Variants in PGAP6 observed in about 807,000 individuals in gnomAD.
PGAP6 encodes the protein post-GPI attachment to proteins factor 6.
A neutral mutation model predicts 68.4 loss-of-function variants in PGAP6; 62 were observed. That is an observed-to-expected ratio of 0.91 (90% CI 0.74 to 1.12). The LOEUF (loss-of-function observed/expected upper bound fraction) is 1.12. Ranked by LOEUF, PGAP6 falls within the 50% of genes most tolerant of loss-of-function variation. The probability of loss-of-function intolerance (pLI) is 0.00; values close to 1 mark genes in which losing one functional copy is unlikely to be tolerated. For missense variants in PGAP6, 1,188 were observed against 1,068.5 expected, an observed-to-expected ratio of 1.11 and a Z score of -1.56; for synonymous variants, 575 against 474.0, an observed-to-expected ratio of 1.21 and a Z score of -2.77.
intron 3 of PGAP6, 39 bp downstream of exon 3, chr16:377,339 A>G (rs1379600211): frequency 1.3e-6 from 2 of 1,556,756 alleles, no homozygotes; most frequent in Admixed American, 1.9e-5. Flanking sequence ...CATCGCCGCA[A>G]GGTTCTCTGC....
upstream of PGAP6, among the ~76,000 whole-genome samples, chr16:386,237 A>G (rs2054484177): frequency 6.6e-6 from 1 of 151,820 alleles, no homozygotes; most frequent in African/African-American, 2.4e-5. Flanking sequence ...AAAGTTAAAT[A>G]AAAGCAAAAA....
At position 376,798 on chromosome 16, in the gene PGAP6, T is replaced by C. The variant is rs1413961890; in HGVS notation, c.650A>G (p.Asp217Gly). ...CTCCAGCAGAAGCTCCCGCGTGTAA[T>C]CGGGGACAAAGACCCTGCAGCGAGG... Reference protein sequence around the residue: ...HPSYLKVFVPDYTRELLLELR... With the variant: ...HPSYLKVFVPGYTRELLLELR... The change falls in exon 5 of 13, where the codon GAT becomes GGT. Residue 217 changes from aspartate (D) to glycine (G), a missense_variant. By Grantham distance (94) the Asp-to-Gly change is moderately conservative. Coordinates refer to ENST00000431232, the MANE Select transcript of PGAP6 (RefSeq NM_021259.3). 1 of 1,607,272 alleles carries C rather than the reference T, an allele frequency of 6.2e-7. No individual in the cohort carries two copies. The highest frequency in any genetic ancestry group is 8.5e-7 in the Non-Finnish European group (1 of 1,179,890).
intron 3 of PGAP6, 27 bp from the exon 4 acceptor site, chr16:377,191 G>A (rs770061794): frequency 6.2e-7 from 1 of 1,612,370 alleles, no homozygotes; most frequent in Non-Finnish European, 8.5e-7. Flanking sequence ...TGTGGGCGGG[G>A]GCGGTGTCAG....
rs1200469222 is a variant in PGAP6 at position 381,801 on chromosome 16, C to G, written c.21G>C (p.Gly7=). The G allele has an allele frequency of 1.7e-6, 2 of 1,143,952 alleles. No homozygotes were observed. Among genetic ancestry groups the G allele is most frequent in the Non-Finnish European group, 2.1e-6 (2 of 931,984 alleles). 70.9% of individuals were successfully genotyped at this position (1,143,952 alleles called of 1,614,324 possible). A position where few individuals can be genotyped will look rare whatever the true frequency, so the allele number is the denominator to read the frequency against. MGRAGT[G]TGGEAVAAVV... is the part of the protein sequence containing the mutation. ...CCGCGGCCACCGCCTCGCCCCCGGT[C>G]CCGGTGCCAGCCCGGCCCATGGCTC... Residue 7 remains glycine, a synonymous_variant, in exon 1 of 13, where the codon GGG becomes GGC. Transcript: ENST00000431232.
At position 381,883 on chromosome 16, in the gene PGAP6, C is replaced by A; in HGVS notation, c.-62G>T. On this transcript the variant is annotated 5_prime_UTR_variant, in exon 1 of 13. Transcript: ENST00000431232. ...CCCGCGCCGCCGGCCCCCGCCGCCGCCCGGGCAGCCTCTGCCGCCTCCGCC... is the reference window on the plus strand; with the variant it reads ...CCCGCGCCGCCGGCCCCCGCCGCCGACCGGGCAGCCTCTGCCGCCTCCGCC... 1.0e-6 allele frequency: 1 copy of A among 975,518 alleles called. No homozygotes were observed. Among genetic ancestry groups the A allele is most frequent in the Non-Finnish European group, 1.2e-6 (1 of 823,040 alleles). 60.4% of individuals were successfully genotyped at this position (975,518 alleles called of 1,614,324 possible).
In PGAP6 at chr16:377,589, G is replaced by A; in HGVS notation, c.300-4C>T. 1 of 1,571,952 alleles carries A rather than the reference G, an allele frequency of 6.4e-7. No homozygotes were observed. Among genetic ancestry groups the A allele is most frequent in the Non-Finnish European group, 8.6e-7 (1 of 1,159,120 alleles). The stretch of plus-strand genomic sequence containing the variant: ...AGGGGCGCCGGAACGGAAGTGCCTG[G>A]AGACGGGAGAGCAGCACCGGGTTCA... On this transcript the variant is annotated splice_polypyrimidine_tract_variant and splice_region_variant and intron_variant, in intron 2 of 12. Transcript: ENST00000431232.
rs1181617815 is a variant in PGAP6, at chr16:375,275, G to T, written c.1316-19C>A. On this transcript the variant is annotated intron_variant, in intron 7 of 12. Transcript: ENST00000431232. Reference sequence around the variant, plus strand: ...AAGAAGGCTGCAGGGGAGCCAGAGGGCCCCATCAGAGGAGGCCGGGGCGGG... The same window carrying T: ...AAGAAGGCTGCAGGGGAGCCAGAGGTCCCCATCAGAGGAGGCCGGGGCGGG... 1.2e-6 allele frequency: 2 copies of T among 1,612,690 alleles called. No individual in the cohort carries two copies. The highest frequency in any genetic ancestry group is 3.3e-5 in the Admixed American group (2 of 60,002).
In PGAP6 at chr16:376,560, A is replaced by T; in HGVS notation, c.888T>A (p.Ala296=). 1 of 1,553,250 alleles carries T rather than the reference A, an allele frequency of 6.4e-7. No homozygotes were observed. The highest frequency in any genetic ancestry group is 8.7e-7 in the Non-Finnish European group (1 of 1,148,684). The change falls in exon 5 of 13, where the codon GCT becomes GCA. Residue 296 remains alanine, a synonymous_variant. Transcript: ENST00000431232. ...VGPLGTVAFS[A]VAALTACRPR... ...GCGGCCCACCTGTGAGGGCAGCTAC[A>T]GCACTGAAAGCCACTGTCCCGAGGG... is the stretch of plus-strand genomic sequence containing the variant.
intron 12 of PGAP6, 94 bp from the exon 13 acceptor site, chr16:372,377 G>T: frequency 7.3e-7 from 1 of 1,371,208 alleles, no homozygotes; most frequent in Non-Finnish European, 9.9e-7. Flanking sequence ...GCCTGCCCAG[G>T]TCTGGGCAGC....
intron 1 of PGAP6, among the ~76,000 whole-genome samples, chr16:381,366 C>T (rs2141767581): frequency 6.6e-6 from 1 of 152,328 alleles, no homozygotes; most frequent in East Asian, 1.9e-4. Context: ...CAGCTGGAGT[C>T]CCGGGCAGAG....
At position 376,123 on chromosome 16, in the gene PGAP6, A is replaced by T; in HGVS notation, c.1224+13T>A. ...CGAGCCCAGGCCACAGGCCGCTTGCAGACAGCAGGTACCTTGTTGGCCCGC... is the reference window on the plus strand; with the variant it reads ...CGAGCCCAGGCCACAGGCCGCTTGCTGACAGCAGGTACCTTGTTGGCCCGC... On this transcript the variant is annotated intron_variant, in intron 6 of 12. Transcript: ENST00000431232. 9.4e-6 allele frequency: 15 copies of T among 1,587,332 alleles called. No individual in the cohort carries two copies. The highest frequency in any genetic ancestry group is 1.3e-5 in the Non-Finnish European group (15 of 1,163,896).
In PGAP6 at chr16:374,359, C is replaced by G; in HGVS notation, c.1617G>C (p.Gln539His). The G allele has an allele frequency of 1.9e-6, 3 of 1,597,638 alleles. No homozygotes were observed. Among genetic ancestry groups the G allele is most frequent in the Non-Finnish European group, 2.5e-6 (3 of 1,177,036 alleles). Residue 539 changes from glutamine (Q) to histidine (H), a missense_variant, in exon 10 of 13, where the codon CAG (glutamine) becomes CAC (histidine). By Grantham distance (24) the Gln-to-His change is conservative. Coordinates refer to ENST00000431232, the MANE Select transcript of PGAP6 (RefSeq NM_021259.3). ...GWSCTDNSTA[Q>H]TVAQQRAATL... ...TGGCCGCCCTCTGCTGGGCCACCGT[C>G]TGGGCTGTGCTGTTGTCCGTGCAGC...
At chr16:375,511 T>A in intron 6 of PGAP6, 76 bp from the exon 7 acceptor site, 1 of 1,243,476 alleles carries the variant, frequency 8.0e-7, no homozygotes, top group Non-Finnish European at 1.2e-6. Flanking sequence ...ACGTGCCAGC[T>A]CAGCCTGGTG....
chr16:384,725 A>G (rs1371209810), upstream of PGAP6, among the ~76,000 whole-genome samples: 1 of 151,986 alleles, frequency 6.6e-6, no homozygotes, highest in Non-Finnish European at 1.5e-5. Context: ...GCGTGGTGGC[A>G]GGTGCCTGTA....
intron 6 of PGAP6, 147 bp from the exon 7 acceptor site, chr16:375,582 G>T: frequency 2.9e-6 from 2 of 692,084 alleles, no homozygotes; most frequent in African/African-American, 1.8e-5. Flanking sequence ...GCCCAGGCTG[G>T]AGGGCAGTGC....
At chr16:376,009 C>G in intron 6 of PGAP6, 127 bp downstream of exon 6, 2 of 989,248 alleles carry the variant, frequency 2.0e-6, no homozygotes, top group Non-Finnish European at 2.9e-6. Context: ...GGGCCCCTGT[C>G]TTGGCCCGTG....
chr16:375,781 C>T (rs564298747), intron 6 of PGAP6, among the ~76,000 whole-genome samples: 141 of 152,300 alleles, frequency 9.3e-4, no homozygotes, highest in Middle Eastern at 3.4e-3. Context: ...CCACCCTCCT[C>T]GGCCTCCCAA....
chr16:381,652 C>T (rs2054439330), intron 1 of PGAP6, 49 bp downstream of exon 1: 1 of 1,172,598 alleles, frequency 8.5e-7, no homozygotes, highest in Non-Finnish European at 1.1e-6. Context: ...CCCGCCCCGC[C>T]CGCAGCCCCG....
intron 11 of PGAP6, among the ~76,000 whole-genome samples, chr16:373,664 C>T (rs142633866): frequency 1.0e-3 from 155 of 152,370 alleles, no homozygotes; most frequent in African/African-American, 3.6e-3. Context: ...CTTAGTCTCC[C>T]GAGTGGCTGG....
Sources: gnomAD v4.1 joint callset for allele counts (sites outside exome capture counted in the v4.1 genomes callset) on GRCh38, gnomAD v4.1.1 for gene constraint, MANE v1.5 for transcripts, NCBI Gene and HGNC (gene_info 2026-07-23, HGNC 2026-07-21) for gene names.